Variants in OCA2 observed in about 807,000 individuals in gnomAD.
OCA2 encodes P protein.
Under a neutral mutation model 100.2 loss-of-function variants are expected in OCA2, and 77 were observed. That is an observed-to-expected ratio of 0.77 (90% confidence interval 0.64 to 0.93). OCA2 has a LOEUF of 0.93. Ranked by LOEUF, OCA2 falls within the 40% of genes least tolerant of loss-of-function variation. OCA2 has a pLI of 0.00. For missense variants in OCA2, 1,062 were observed against 1,089.1 expected, an observed-to-expected ratio of 0.98 and a Z score of 0.35; for synonymous variants, 432 against 439.2, an observed-to-expected ratio of 0.98 and a Z score of 0.21.
At chr15:27,987,016 C>G (rs1280713371) in intron 11 of OCA2, among the ~76,000 whole-genome samples, 2 of 152,194 alleles carry the variant, frequency 1.3e-5, no homozygotes, top group African/African-American at 4.8e-5. Context: ...AGAAGCCGGG[C>G]GGGAGCCAGC....
intron 19 of OCA2, among the ~76,000 whole-genome samples, chr15:27,917,469 C>T (rs577613330): frequency 1.4e-4 from 21 of 152,272 alleles, no homozygotes; most frequent in South Asian, 8.3e-4. Context: ...ATAACCTGTT[C>T]GCCTGAATTG....
intron 19 of OCA2, among the ~76,000 whole-genome samples, chr15:27,885,239 A>G (rs1013579325): frequency 6.6e-6 from 1 of 152,220 alleles, no homozygotes; most frequent in African/African-American, 2.4e-5. Flanking sequence ...AACTATTAAC[A>G]TGAAATTATT....
At position 28,032,172 on chromosome 15, in the gene OCA2, G is replaced by GAA. The variant is rs749921203; in HGVS notation, c.228-10_228-9insTT. Reference sequence around the variant, plus strand: ...GCAAAGAAGAGTGAGACCTGAAAGAGACAGGGTAGGAAACAGAATCACCAA... The same window carrying GAA: ...GCAAAGAAGAGTGAGACCTGAAAGAGAAACAGGGTAGGAAACAGAATCACCAA... On this transcript the variant is annotated splice_polypyrimidine_tract_variant and intron_variant, in intron 2 of 23. Transcript: ENST00000354638. 3 of 1,586,086 alleles carry GAA rather than the reference G, an allele frequency of 1.9e-6. No individual in the cohort carries two copies. In the South Asian group the frequency reaches 3.3e-5, roughly 18 times the overall value.
intron 2 of OCA2, among the ~76,000 whole-genome samples, chr15:28,059,665 G>A (rs1258484796): frequency 6.6e-6 from 1 of 152,174 alleles, no homozygotes; most frequent in African/African-American, 2.4e-5. Context: ...AATGCCTTTT[G>A]CTCCCTAGTA....
At chr15:27,760,937 A>AC (rs1255706284) in intron 23 of OCA2, among the ~76,000 whole-genome samples, 15 of 152,088 alleles carry the variant, frequency 9.9e-5, no homozygotes, top group South Asian at 6.2e-4. Context: ...TCCCTGTATT[A>AC]CCTCAACCCC....
Position 27,755,241 on chromosome 15 carries a change from T to A in OCA2, c.*147A>T. ...ACATTCGCTTGAATTAGAGTGTTAG[T>A]GTCAAGGTCTATTCCACTGTGTCTC... On this transcript the variant is annotated 3_prime_UTR_variant, in exon 24 of 24. Coordinates refer to ENST00000354638, the MANE Select transcript of OCA2 (RefSeq NM_000275.3). 1.5e-6 allele frequency: 1 copy of A among 681,366 alleles called. No individual in the cohort carries two copies. 42.2% of individuals were successfully genotyped at this position (681,366 alleles called of 1,614,324 possible).
chr15:27,784,979 TAGC>T (rs1176336094), intron 23 of OCA2, among the ~76,000 whole-genome samples: 2 of 151,724 alleles, frequency 1.3e-5, no homozygotes, highest in African/African-American at 2.4e-5. Flanking sequence ...CAAATCTAAA[TAGC>T]ACAGAAAACA....
intron 18 of OCA2, among the ~76,000 whole-genome samples, chr15:27,941,311 A>G (rs1245972095): frequency 6.6e-6 from 1 of 152,212 alleles, no homozygotes; most frequent in Non-Finnish European, 1.5e-5. Flanking sequence ...TAACTCACAG[A>G]TACTTTTATT....
the OCA2 span, among the ~76,000 whole-genome samples, chr15:27,742,338 C>G: frequency 9.3e-4 from 141 of 152,234 alleles, no homozygotes; most frequent in African/African-American, 3.2e-3. Flanking sequence ...AGCTGTGGAA[C>G]CTTGGAGCAG....
chr15:28,073,655 C>G (rs958193122), intron 2 of OCA2, among the ~76,000 whole-genome samples: 2 of 152,302 alleles, frequency 1.3e-5, no homozygotes, highest in African/African-American at 4.8e-5. Context: ...AGGTACTAGA[C>G]TCATGACCTA....
chr15:27,762,634 A>C (rs1160979973), intron 23 of OCA2, among the ~76,000 whole-genome samples: 2 of 152,154 alleles, frequency 1.3e-5, no homozygotes, highest in African/African-American at 2.4e-5. Flanking sequence ...CTGCACATTC[A>C]GTGATGCTTA....
chr15:28,083,904 C>T (rs949838807), intron 1 of OCA2, among the ~76,000 whole-genome samples: 2 of 152,214 alleles, frequency 1.3e-5, no homozygotes, highest in African/African-American at 4.8e-5. Flanking sequence ...GCCATTGCCC[C>T]TCCTAAAACA....
chr15:27,843,195 C>T (rs1053305795), intron 23 of OCA2, among the ~76,000 whole-genome samples: 3 of 152,108 alleles, frequency 2.0e-5, no homozygotes, highest in African/African-American at 7.2e-5. Context: ...GCTTGGCCAA[C>T]CAAAGAAGAG....
chr15:27,938,534 C>T (rs2039537253), intron 18 of OCA2, among the ~76,000 whole-genome samples: 1 of 152,142 alleles, frequency 6.6e-6, no homozygotes, highest in African/African-American at 2.4e-5. Flanking sequence ...AATGGTACAG[C>T]CCTACAAATA....
chr15:27,995,952 A>G (rs910807963), intron 9 of OCA2, among the ~76,000 whole-genome samples: 7 of 151,804 alleles, frequency 4.6e-5, no homozygotes, highest in African/African-American at 1.7e-4. Flanking sequence ...AGCTGGGACT[A>G]CAGGCAAGCA....
chr15:27,731,999 AG>A, the OCA2 span, among the ~76,000 whole-genome samples: 1 of 152,202 alleles, frequency 6.6e-6, no homozygotes, highest in African/African-American at 2.4e-5. Flanking sequence ...TCCACAGCCC[AG>A]GGTCTGACAG....
chr15:28,062,143 A>C (rs1043146474), intron 2 of OCA2, among the ~76,000 whole-genome samples: 1 of 152,238 alleles, frequency 6.6e-6, no homozygotes, highest in Non-Finnish European at 1.5e-5. Flanking sequence ...GGAACTGCTG[A>C]ACTGTTTTCC....
chr15:28,011,190 CACA>C (rs2042229295), intron 9 of OCA2, among the ~76,000 whole-genome samples: 1 of 152,170 alleles, frequency 6.6e-6, no homozygotes, highest in South Asian at 2.1e-4. Context: ...CAAGGCCTGG[CACA>C]GTCACTCACA....
chr15:27,778,744 GCTGAGAGAATCTGCTCTTGC>G (rs1354705878), intron 23 of OCA2, among the ~76,000 whole-genome samples: 1 of 152,212 alleles, frequency 6.6e-6, no homozygotes, highest in Non-Finnish European at 1.5e-5. Context: ...GAGGAAAGCT[GCTGAGAGAATCTGCTCTTGC>G]CTGGAAAAGG....
Sources: allele counts gnomAD v4.1 joint callset (sites outside exome capture counted in the v4.1 genomes callset), GRCh38; gene constraint gnomAD v4.1.1; transcripts MANE v1.5; gene names NCBI Gene and HGNC (gene_info 2026-07-23, HGNC 2026-07-21).